CEP63: variants seen among roughly 807,000 people sequenced by gnomAD.
The protein encoded by CEP63 is centrosomal protein 63, also known as centrosomal protein of 63 kDa.
In CEP63, 84 loss-of-function variants were observed where a neutral mutation model predicts 89.1. That is an observed-to-expected ratio of 0.94 (90% CI 0.79 to 1.13). The LOEUF (loss-of-function observed/expected upper bound fraction) is 1.13, where lower values mean the gene tolerates loss of function less well. Among genes scored for constraint, CEP63 ranks in the 50% most tolerant of loss-of-function variants. CEP63 has a pLI of 0.00. For missense variants in CEP63, 838 were observed against 813.3 expected, an observed-to-expected ratio of 1.03 and a Z score of -0.37; for synonymous variants, 267 against 272.5, an observed-to-expected ratio of 0.98 and a Z score of 0.20.
Position 134,561,547 on chromosome 3 carries a change from A to G in CEP63, c.*12A>G. ...CAGCCTTAAAGTAGCCTCTTAAAAA[A>G]ATCACTATCTTGGAAATAAAAATAA... On this transcript the variant is annotated 3_prime_UTR_variant, in exon 15 of 15. Coordinates refer to ENST00000675561, the MANE Select transcript of CEP63 (RefSeq NM_001353108.3). The G allele has an allele frequency of 1.9e-6, 3 of 1,609,694 alleles. No homozygotes were observed. The highest frequency in any genetic ancestry group is 4.5e-5 in the East Asian group (2 of 44,672).
the CEP63 span, among the ~76,000 whole-genome samples, chr3:134,754,738 C>T: frequency 3.3e-5 from 5 of 152,160 alleles, no homozygotes; most frequent in Non-Finnish European, 4.4e-5. Context: ...GTTAGTCCAG[C>T]ACCCAAATGT....
the CEP63 span, among the ~76,000 whole-genome samples, chr3:134,742,481 G>A: frequency 5.3e-5 from 8 of 152,280 alleles, no homozygotes; most frequent in East Asian, 1.5e-3. Flanking sequence ...GGGTTATCAA[G>A]CAGAAAATAC....
chr3:134,728,968 T>C, the CEP63 span, among the ~76,000 whole-genome samples: 4 of 152,196 alleles, frequency 2.6e-5, no homozygotes, highest in East Asian at 7.7e-4. Flanking sequence ...CCATGTACAT[T>C]TCTGGGTACT....
chr3:134,650,698 T>G, the CEP63 span: 130 of 820,512 alleles, frequency 1.6e-4, no homozygotes, highest in Middle Eastern at 3.8e-4. Flanking sequence ...ACGGCAGCCA[T>G]GGGGGAGAGG....
the CEP63 span, chr3:134,603,818 C>G: frequency 6.2e-7 from 1 of 1,613,918 alleles, no homozygotes; most frequent in Non-Finnish European, 8.5e-7. Flanking sequence ...GACAGAGGTT[C>G]CAGCAGCTCA....
rs1345879617 is a variant in CEP63, at chr3:134,520,391, C to G, written c.223-11454C>G. ...GTATAAGACCTCTGCACAGAAAGCT[C>G]TAAATTATGGAGAGAAATTAAAACT... On this transcript the variant is annotated intron_variant, in intron 3 of 14. Coordinates refer to ENST00000675561, the MANE Select transcript of CEP63 (RefSeq NM_001353108.3). 2.6e-5 allele frequency among the ~76,000 whole-genome samples: 4 copies of G among 152,020 alleles called. 1 individual carries two copies. Among genetic ancestry groups the G allele is most frequent in the Non-Finnish European group, 5.9e-5 (4 of 67,966 alleles).
the CEP63 span, among the ~76,000 whole-genome samples, chr3:134,774,140 T>A: frequency 2.0e-5 from 3 of 152,172 alleles, no homozygotes; most frequent in African/African-American, 7.2e-5. Context: ...ATTGACATGC[T>A]CTGGGGCATT....
the CEP63 span, among the ~76,000 whole-genome samples, chr3:134,593,528 C>T: frequency 1.3e-5 from 2 of 152,220 alleles, no homozygotes; most frequent in African/African-American, 4.8e-5. Flanking sequence ...AGCTGGCACA[C>T]TCTCCTACCT....
At chr3:134,657,426 A>T in the CEP63 span, among the ~76,000 whole-genome samples, 1 of 152,228 alleles carries the variant, frequency 6.6e-6, no homozygotes, top group African/African-American at 2.4e-5. Context: ...AAAAAGTATA[A>T]TTGGTATTGC....
In CEP63 at chr3:134,496,433, G is replaced by GGC. The variant is rs1553741978; in HGVS notation, c.44+1070_44+1071insCG. On this transcript the variant is annotated intron_variant, in intron 2 of 14. Transcript: ENST00000675561. ...CAGGAGAAAAGGATAGAAAAAAAAG[G>GGC]GGGGGGGGGCTAAAGAACTAGTCCA... is the stretch of plus-strand genomic sequence containing the variant. Among the ~76,000 whole-genome samples the GGC allele has an allele frequency of 9.5e-3, 161 of 16,958 alleles. 3 individuals are homozygous for GGC. The highest frequency in any genetic ancestry group is 0.022 in the African/African-American group (155 of 7,128). 11.1% of individuals were successfully genotyped at this position (16,958 alleles called of 152,430 possible). A position where few individuals can be genotyped will look rare whatever the true frequency, so the allele number is the denominator to read the frequency against.
chr3:134,723,434 A>G, the CEP63 span, among the ~76,000 whole-genome samples: 1 of 152,214 alleles, frequency 6.6e-6, no homozygotes, highest in African/African-American at 2.4e-5. Context: ...TAACCAAACT[A>G]GGTCCACGAT....
chr3:134,665,652 GACACACACACACACAC>G, the CEP63 span, among the ~76,000 whole-genome samples: 1,486 of 95,822 alleles, frequency 0.016, 33 homozygotes, highest in African/African-American at 0.055. Flanking sequence ...GGAAACAGAG[GACACACACACACACAC>G]ACACACACAC....
At chr3:134,671,976 G>C in the CEP63 span, among the ~76,000 whole-genome samples, 1 of 152,166 alleles carries the variant, frequency 6.6e-6, no homozygotes, top group Non-Finnish European at 1.5e-5. Context: ...GGGCTGGCCA[G>C]AGCTGTCCTC....
chr3:134,606,857 A>C, the CEP63 span: 2 of 914,618 alleles, frequency 2.2e-6, no homozygotes, highest in Non-Finnish European at 2.6e-6. Flanking sequence ...ACTCTCCTAG[A>C]GCCTGGCAGC....
At chr3:134,760,462 A>G in the CEP63 span, among the ~76,000 whole-genome samples, 7 of 152,346 alleles carry the variant, frequency 4.6e-5, 1 homozygote, top group East Asian at 1.9e-4. Flanking sequence ...GATGAGGTCC[A>G]GGGAAAAGTC....
At chr3:134,746,709 C>G in the CEP63 span, among the ~76,000 whole-genome samples, 2 of 152,322 alleles carry the variant, frequency 1.3e-5, no homozygotes, top group South Asian at 4.1e-4. Context: ...TGTCTGTTGG[C>G]TGCATAAATG....
At chr3:134,560,564 A>C (rs930639292) in intron 14 of CEP63, among the ~76,000 whole-genome samples, 2 of 151,718 alleles carry the variant, frequency 1.3e-5, no homozygotes, top group Non-Finnish European at 2.9e-5. Flanking sequence ...GCTCAGCTCC[A>C]TGCCAGCTGG....
chr3:134,565,186 C>T (rs938393148), downstream of CEP63, among the ~76,000 whole-genome samples: 5 of 152,264 alleles, frequency 3.3e-5, no homozygotes, highest in African/African-American at 1.2e-4. Flanking sequence ...CCTGGATTCC[C>T]ATGAATTTTC....
At chr3:134,748,925 C>T in the CEP63 span, among the ~76,000 whole-genome samples, 200 of 152,180 alleles carry the variant, frequency 1.3e-3, 1 homozygote, top group South Asian at 8.7e-3. Flanking sequence ...GGCATCTGGG[C>T]ATGAGGGAAA....
Sources: allele counts gnomAD v4.1 joint callset (sites outside exome capture counted in the v4.1 genomes callset), GRCh38; gene constraint gnomAD v4.1.1; transcripts MANE v1.5; gene names NCBI Gene and HGNC (gene_info 2026-07-23, HGNC 2026-07-21).